The following SLC35F3 variants were observed in gnomAD, a reference collection of about 807,000 sequenced individuals.
SLC35F3 encodes the protein putative thiamine transporter SLC35F3.
Under a neutral mutation model 49.9 loss-of-function variants are expected in SLC35F3, and 25 were observed. The observed-to-expected ratio is 0.50, with a 90% confidence interval of 0.37 to 0.70. The LOEUF is 0.70. Among genes scored for constraint, SLC35F3 ranks in the 30% least tolerant of loss-of-function variants. SLC35F3 has a pLI of 0.00. For synonymous variants in SLC35F3, 275 were observed against 265.4 expected (o/e 1.04, Z -0.35); for missense variants, 525 against 639.8 (o/e 0.82, Z 1.94).
chr1:233,968,290 G>A (rs1662932922), intron 2 of SLC35F3, among the ~76,000 whole-genome samples: 2 of 152,018 alleles, frequency 1.3e-5, no homozygotes, highest in South Asian at 4.2e-4. Context: ...TGGATTAGGG[G>A]TCCTTTTGAC....
intron 2 of SLC35F3, among the ~76,000 whole-genome samples, chr1:234,090,800 A>G (rs113684107): frequency 1.3e-5 from 2 of 152,312 alleles, no homozygotes; most frequent in African/African-American, 4.8e-5. Flanking sequence ...AAAAACAACT[A>G]TAAGCACCTG....
chr1:234,209,508 A>G (rs934117813), intron 2 of SLC35F3, among the ~76,000 whole-genome samples: 1 of 152,124 alleles, frequency 6.6e-6, no homozygotes, highest in African/African-American at 2.4e-5. Flanking sequence ...TCCCACTCCC[A>G]AAAAGAAGTG....
chr1:234,309,084 C>T lies in SLC35F3; in HGVS notation c.609-17C>T. ...ACCCAGGAAAATAATAACGATGCCT[C>T]TCTTTCCTTGTTTTAGGGAATGCTG... On this transcript the variant is annotated splice_polypyrimidine_tract_variant and intron_variant, in intron 3 of 7. Coordinates refer to ENST00000366618, the MANE Select transcript of SLC35F3 (RefSeq NM_173508.4). 1 of 1,609,016 alleles carries T rather than the reference C, an allele frequency of 6.2e-7. No individual in the cohort carries two copies. Among genetic ancestry groups the T allele is most frequent in the Non-Finnish European group, 8.5e-7 (1 of 1,176,266 alleles).
At chr1:234,162,169 G>GA (rs2102913849) in intron 2 of SLC35F3, among the ~76,000 whole-genome samples, 1 of 151,944 alleles carries the variant, frequency 6.6e-6, no homozygotes, top group South Asian at 2.1e-4. Context: ...CTGTGGTGTA[G>GA]ATTCATGGTG....
intron 2 of SLC35F3, among the ~76,000 whole-genome samples, chr1:234,094,110 A>T (rs530151320): frequency 1.3e-5 from 2 of 152,316 alleles, no homozygotes; most frequent in South Asian, 4.1e-4. Context: ...TCCTGTGCCT[A>T]CCTTCCTGGC....
At chr1:234,029,939 C>A (rs1388757930) in intron 2 of SLC35F3, among the ~76,000 whole-genome samples, 1 of 152,130 alleles carries the variant, frequency 6.6e-6, no homozygotes, top group African/African-American at 2.4e-5. Flanking sequence ...CTCTTTCTTT[C>A]CATTGCCTCA....
chr1:234,001,488 A>G (rs1333682132), intron 2 of SLC35F3, among the ~76,000 whole-genome samples: 1 of 152,138 alleles, frequency 6.6e-6, no homozygotes, highest in Non-Finnish European at 1.5e-5. Context: ...GTTTTCATTT[A>G]TATTGTGCTT....
intron 3 of SLC35F3, among the ~76,000 whole-genome samples, chr1:234,247,850 A>AGTTGGCTGGTGCATTGTTTGGTGGGTGG (rs1667663682): frequency 7.6e-6 from 1 of 131,556 alleles, no homozygotes; most frequent in Non-Finnish European, 1.6e-5. Flanking sequence ...TTGATGGGTC[A>AGTTGGCTGGTGCATTGTTTGGTGGGTGG]GTTGGCTGGT....
At chr1:234,253,404 T>C (rs1296261120) in intron 3 of SLC35F3, among the ~76,000 whole-genome samples, 3 of 148,634 alleles carry the variant, frequency 2.0e-5, no homozygotes, top group African/African-American at 5.0e-5. Flanking sequence ...GTTTATGCAA[T>C]AAGGAAAGAT....
chr1:233,948,317 C>T (rs1662549604), intron 2 of SLC35F3, among the ~76,000 whole-genome samples: 1 of 150,518 alleles, frequency 6.6e-6, no homozygotes, highest in Non-Finnish European at 1.5e-5. Flanking sequence ...AAAGAGAAGT[C>T]TTAGTGGGCA....
intron 2 of SLC35F3, among the ~76,000 whole-genome samples, chr1:234,059,072 T>C (rs1664498953): frequency 6.6e-6 from 1 of 152,174 alleles, no homozygotes; most frequent in East Asian, 1.9e-4. Flanking sequence ...TTCTTCTTGG[T>C]CAGTCTAGCT....
intron 2 of SLC35F3, among the ~76,000 whole-genome samples, chr1:234,189,776 C>A (rs945539343): frequency 1.3e-5 from 2 of 152,098 alleles, no homozygotes; most frequent in African/African-American, 4.8e-5. Context: ...ATCAAGTTAT[C>A]CAAAGTCAAG....
intron 3 of SLC35F3, among the ~76,000 whole-genome samples, chr1:234,278,017 A>T (rs2102979140): frequency 6.6e-6 from 1 of 151,794 alleles, no homozygotes; most frequent in South Asian, 2.1e-4. Flanking sequence ...AACATGGTGA[A>T]ACCCCATCTC....
chr1:233,977,998 G>C (rs1391342664), intron 2 of SLC35F3, among the ~76,000 whole-genome samples: 3 of 152,196 alleles, frequency 2.0e-5, no homozygotes, highest in South Asian at 2.1e-4. Context: ...GCAACTCATA[G>C]GTTTCCTTCT....
At chr1:234,045,888 T>TA (rs1382926547) in intron 2 of SLC35F3, among the ~76,000 whole-genome samples, 2 of 152,158 alleles carry the variant, frequency 1.3e-5, no homozygotes, top group Non-Finnish European at 2.9e-5. Context: ...AAAATTTATA[T>TA]AAGTGCCACA....
intron 2 of SLC35F3, among the ~76,000 whole-genome samples, chr1:234,078,674 T>C (rs1403721346): frequency 6.6e-6 from 1 of 152,226 alleles, no homozygotes; most frequent in African/African-American, 2.4e-5. Flanking sequence ...CTAAGCCCTT[T>C]TGTGCTTTGT....
intron 2 of SLC35F3, among the ~76,000 whole-genome samples, chr1:233,912,463 T>C (rs181080011): frequency 6.6e-6 from 1 of 151,666 alleles, no homozygotes; most frequent in Admixed American, 6.6e-5. Flanking sequence ...GGCGACAGAG[T>C]GAGACTCCAT....
intron 3 of SLC35F3, among the ~76,000 whole-genome samples, chr1:234,275,404 A>T (rs1668188046): frequency 6.6e-6 from 1 of 152,142 alleles, no homozygotes; most frequent in African/African-American, 2.4e-5. Flanking sequence ...TACTCAGCCT[A>T]TATCTCATTC....
At chr1:234,291,417 G>A (rs1668505856) in intron 3 of SLC35F3, among the ~76,000 whole-genome samples, 1 of 152,166 alleles carries the variant, frequency 6.6e-6, no homozygotes, top group African/African-American at 2.4e-5. Context: ...AGAGCCAGAG[G>A]AGGAACAGTT....
Sources: gnomAD v4.1 joint callset for allele counts (sites outside exome capture counted in the v4.1 genomes callset) on GRCh38, gnomAD v4.1.1 for gene constraint, MANE v1.5 for transcripts, NCBI Gene and HGNC (gene_info 2026-07-23, HGNC 2026-07-21) for gene names.